Variants in SH3RF1 observed in about 807,000 individuals in gnomAD.
SH3RF1 encodes the protein SH3 domain containing ring finger 1, also known as E3 ubiquitin-protein ligase SH3RF1.
SH3RF1 carries 32 observed loss-of-function variants against 74.0 expected under a neutral mutation model. The observed-to-expected ratio is 0.43, with a 90% CI of 0.33 to 0.58. The LOEUF is 0.58. SH3RF1 is among the 20% of genes least tolerant of loss of function. The pLI, the probability that SH3RF1 is intolerant of heterozygous loss-of-function variation, is 0.05. For synonymous variants in SH3RF1, 396 were observed against 439.6 expected, an observed-to-expected ratio of 0.90 and a Z score of 1.24; for missense variants, 954 against 1,130.9, an observed-to-expected ratio of 0.84 and a Z score of 2.24.
intron 2 of SH3RF1, among the ~76,000 whole-genome samples, chr4:169,210,344 A>T (rs1427005051): frequency 6.6e-6 from 1 of 152,190 alleles, no homozygotes; most frequent in East Asian, 1.9e-4. Context: ...CATGAAGACA[A>T]AACACCTTAT....
intron 4 of SH3RF1, among the ~76,000 whole-genome samples, chr4:169,143,918 C>T (rs1420015742): frequency 6.6e-6 from 1 of 152,074 alleles, no homozygotes; most frequent in East Asian, 1.9e-4. Flanking sequence ...TCATTAAAAG[C>T]CTAAAAAGAA....
intron 10 of SH3RF1, among the ~76,000 whole-genome samples, chr4:169,114,117 C>T (rs780421974): frequency 2.7e-4 from 41 of 152,250 alleles, no homozygotes; most frequent in Middle Eastern, 3.4e-3. Flanking sequence ...AGGACCTGTA[C>T]TAGATGGTGC....
intron 2 of SH3RF1, among the ~76,000 whole-genome samples, chr4:169,157,703 T>C (rs940725768): frequency 6.6e-6 from 1 of 152,164 alleles, no homozygotes; most frequent in Admixed American, 6.5e-5. Context: ...TATTTATTTA[T>C]TCACTCTTCC....
intron 2 of SH3RF1, among the ~76,000 whole-genome samples, chr4:169,223,475 A>C (rs897231747): frequency 2.0e-5 from 3 of 152,214 alleles, no homozygotes; most frequent in African/African-American, 7.2e-5. Context: ...GGGAAACCAG[A>C]GCATGAGGCA....
intron 2 of SH3RF1, among the ~76,000 whole-genome samples, chr4:169,183,479 C>T (rs961595663): frequency 6.6e-6 from 1 of 152,018 alleles, no homozygotes; most frequent in African/African-American, 2.4e-5. Flanking sequence ...CAGGGTTTCA[C>T]CATGTTGGCC....
chr4:169,161,649 A>T (rs562008397), intron 2 of SH3RF1, among the ~76,000 whole-genome samples: 1 of 152,370 alleles, frequency 6.6e-6, no homozygotes, highest in South Asian at 2.1e-4. Context: ...ATAAAGTAAA[A>T]AAGATTCAGT....
At position 169,224,389 on chromosome 4, in the gene SH3RF1, C is replaced by T. The variant is rs182035361; in HGVS notation, c.393+44431G>A. ...CTGGAGTGCAATGGTGCGATCTTGG[C>T]TCACTGCAACCTCCACCTCCTGGGT... On this transcript the variant is annotated intron_variant, in intron 2 of 11. Coordinates refer to ENST00000284637, the MANE Select transcript of SH3RF1 (RefSeq NM_020870.4). 3.0e-3 allele frequency among the ~76,000 whole-genome samples: 459 copies of T among 151,066 alleles called. 2 individuals are homozygous for T. The highest frequency in any genetic ancestry group is 4.5e-3 in the Non-Finnish European group (304 of 67,906).
At chr4:169,200,131 AT>A (rs1485070037) in intron 2 of SH3RF1, among the ~76,000 whole-genome samples, 15 of 152,342 alleles carry the variant, frequency 9.8e-5, no homozygotes, top group African/African-American at 3.6e-4. Context: ...ATATTTAAAT[AT>A]CTATTAAAAT....
chr4:169,126,654 G>A (rs1438044721), intron 6 of SH3RF1, among the ~76,000 whole-genome samples: 1 of 152,042 alleles, frequency 6.6e-6, no homozygotes, highest in Non-Finnish European at 1.5e-5. Context: ...CACAATCATG[G>A]TTTACTGCAG....
At chr4:169,238,791 G>T (rs1367476893) in intron 2 of SH3RF1, among the ~76,000 whole-genome samples, 1 of 152,160 alleles carries the variant, frequency 6.6e-6, no homozygotes, top group East Asian at 1.9e-4. Context: ...TTGCTATAAA[G>T]AATTCTCTTA....
chr4:169,146,222 T>TA (rs1733889634), intron 4 of SH3RF1, among the ~76,000 whole-genome samples: 2 of 139,264 alleles, frequency 1.4e-5, no homozygotes, highest in African/African-American at 5.4e-5. Flanking sequence ...TTATATGTTT[T>TA]ATATATATAC....
At chr4:169,097,984 G>T (rs192149589) in intron 11 of SH3RF1, among the ~76,000 whole-genome samples, 1 of 152,302 alleles carries the variant, frequency 6.6e-6, no homozygotes, top group African/African-American at 2.4e-5. Context: ...AAAGTGATGT[G>T]AATAAGCCAT....
At chr4:169,197,487 G>A (rs1181572995) in intron 2 of SH3RF1, among the ~76,000 whole-genome samples, 3 of 151,804 alleles carry the variant, frequency 2.0e-5, no homozygotes, top group Non-Finnish European at 4.4e-5. Context: ...TTAGCCAGTC[G>A]TGGTGGTGCC....
intron 2 of SH3RF1, among the ~76,000 whole-genome samples, chr4:169,264,656 CTG>C (rs1228246555): frequency 6.6e-6 from 1 of 152,242 alleles, no homozygotes; most frequent in Non-Finnish European, 1.5e-5. Context: ...CGTATCTGTT[CTG>C]AAGCCCTGCT....
At chr4:169,145,775 A>C (rs1292256883) in intron 4 of SH3RF1, among the ~76,000 whole-genome samples, 1 of 134,558 alleles carries the variant, frequency 7.4e-6, no homozygotes, top group Non-Finnish European at 1.6e-5. Flanking sequence ...ATAAAATATT[A>C]TATATTCTAT....
chr4:169,205,070 G>C (rs1162613288), intron 2 of SH3RF1, among the ~76,000 whole-genome samples: 1 of 152,232 alleles, frequency 6.6e-6, no homozygotes, highest in Non-Finnish European at 1.5e-5. Flanking sequence ...GGAGTTACCT[G>C]ATGTGCTGAC....
At chr4:169,245,651 C>A (rs1730984644) in intron 2 of SH3RF1, among the ~76,000 whole-genome samples, 1 of 152,160 alleles carries the variant, frequency 6.6e-6, no homozygotes, top group Non-Finnish European at 1.5e-5. Context: ...TGATAGTAAA[C>A]CTCAGTTTCT....
intron 5 of SH3RF1, 103 bp from the exon 6 acceptor site, chr4:169,130,259 G>T: frequency 1.2e-6 from 1 of 800,722 alleles, no homozygotes; most frequent in Non-Finnish European, 1.9e-6. Flanking sequence ...AAAAAAATCT[G>T]TACTTTCTGT....
intron 2 of SH3RF1, among the ~76,000 whole-genome samples, chr4:169,181,741 T>C (rs1336300137): frequency 6.6e-6 from 1 of 152,232 alleles, no homozygotes; most frequent in African/African-American, 2.4e-5. Context: ...GCCCAATTGT[T>C]AAAATCCATT....
Sources: allele counts gnomAD v4.1 joint callset (sites outside exome capture counted in the v4.1 genomes callset), GRCh38; gene constraint gnomAD v4.1.1; transcripts MANE v1.5; gene names NCBI Gene and HGNC (gene_info 2026-07-23, HGNC 2026-07-21).